The following ASIC2 variants were observed in gnomAD, a reference collection of about 807,000 sequenced individuals.
ASIC2 encodes the protein acid-sensing ion channel 2.
A neutral mutation model predicts 57.3 loss-of-function variants in ASIC2; 25 were observed. That is an observed-to-expected ratio of 0.44 (90% CI 0.32 to 0.61). The LOEUF (loss-of-function observed/expected upper bound fraction) is 0.61, where lower values mean the gene tolerates loss of function less well. ASIC2 is among the 20% of genes least tolerant of loss of function. The pLI, the probability that ASIC2 is intolerant of heterozygous loss-of-function variation, is 0.06. For missense variants in ASIC2, 641 were observed against 738.1 expected (o/e 0.87, Z 1.52); for synonymous variants, 319 against 307.5 (o/e 1.04, Z -0.39).
In ASIC2 at chr17:33,799,451, T is replaced by TTTC. The variant is rs1555562536; in HGVS notation, c.555+356524_555+356526dup. Reference sequence around the variant, plus strand: ...TCTTCTTTCTTTCTTTCTTTCTTTCTTTCTTTCTTTCTTTCTTTCTTTCTT... The same window carrying TTTC: ...TCTTCTTTCTTTCTTTCTTTCTTTCTTTCTTCTTTCTTTCTTTCTTTCTTTCTT... On this transcript the variant is annotated intron_variant, in intron 1 of 9. Coordinates refer to the ASIC2 transcript ENST00000359872. 4.2e-4 allele frequency among the ~76,000 whole-genome samples: 42 copies of TTTC among 100,666 alleles called. No individual in the cohort carries two copies. The East Asian group carries it at 5.0e-3, about 12-fold the overall frequency. 66.0% of individuals were successfully genotyped at this position (100,666 alleles called of 152,430 possible).
At chr17:33,579,342 T>G (rs955854689) in intron 1 of ASIC2, among the ~76,000 whole-genome samples, 1 of 149,794 alleles carries the variant, frequency 6.7e-6, no homozygotes, top group Non-Finnish European at 1.5e-5. Context: ...CAGGGCACAC[T>G]GGAACACGAT....
At chr17:33,686,288 CA>C (rs1361005061) in intron 1 of ASIC2, among the ~76,000 whole-genome samples, 1 of 152,090 alleles carries the variant, frequency 6.6e-6, no homozygotes, top group African/African-American at 2.4e-5. Flanking sequence ...TTGGGGGCTG[CA>C]AAAACCTAGG....
intron 1 of ASIC2, among the ~76,000 whole-genome samples, chr17:34,079,840 C>T (rs1006631028): frequency 3.3e-5 from 5 of 152,176 alleles, no homozygotes; most frequent in Non-Finnish European, 5.9e-5. Context: ...GGTGAAAGGG[C>T]ATCAACGATT....
At chr17:33,116,216 C>T (rs553065760) in intron 1 of ASIC2, among the ~76,000 whole-genome samples, 14 of 152,338 alleles carry the variant, frequency 9.2e-5, no homozygotes, top group Admixed American at 2.6e-4. Context: ...GAGCCTCCCG[C>T]TCCTGCCTGG....
chr17:33,560,275 A>T (rs549118083), intron 1 of ASIC2, among the ~76,000 whole-genome samples: 1 of 152,360 alleles, frequency 6.6e-6, no homozygotes, highest in Admixed American at 6.5e-5. Context: ...GATAGCAAGC[A>T]TACCACTTGT....
chr17:33,831,568 T>G (rs1457726083), intron 1 of ASIC2, among the ~76,000 whole-genome samples: 1 of 148,160 alleles, frequency 6.7e-6, no homozygotes, highest in Non-Finnish European at 1.5e-5. Context: ...CTTAAAATCT[T>G]TCTCTGATCT....
At chr17:33,923,216 A>G (rs994195166) in intron 1 of ASIC2, among the ~76,000 whole-genome samples, 1 of 152,176 alleles carries the variant, frequency 6.6e-6, no homozygotes, top group African/African-American at 2.4e-5. Flanking sequence ...CTGTGCCAAA[A>G]GAGAAAATGA....
rs983883242 is a variant in ASIC2, at chr17:33,117,716, C to G, written c.709-5649G>C. The stretch of plus-strand genomic sequence containing the variant: ...CAATTCCAGTGTTCTCTTTTGCAAA[C>G]TGGGCAAGGTAATCATGCCATGTAG... On this transcript the variant is annotated intron_variant, in intron 1 of 9. Coordinates refer to ENST00000225823, the MANE Select transcript of ASIC2 (RefSeq NM_183377.2). 2.4e-4 allele frequency among the ~76,000 whole-genome samples: 37 copies of G among 152,206 alleles called. 1 individual carries two copies. Among genetic ancestry groups the G allele is most frequent in the Admixed American group, 2.4e-3 (37 of 15,286 alleles).
intron 1 of ASIC2, among the ~76,000 whole-genome samples, chr17:33,874,189 G>A (rs1914494099): frequency 6.6e-6 from 1 of 152,164 alleles, no homozygotes; most frequent in Admixed American, 6.5e-5. Flanking sequence ...CTCTGTCACA[G>A]CTGGCTGGGC....
chr17:33,422,253 T>G (rs1351465816), intron 1 of ASIC2, among the ~76,000 whole-genome samples: 1 of 152,208 alleles, frequency 6.6e-6, no homozygotes, highest in Non-Finnish European at 1.5e-5. Context: ...ACTTCTATCT[T>G]GGCTCCTGAG....
intron 1 of ASIC2, among the ~76,000 whole-genome samples, chr17:34,092,530 C>T (rs1285172843): frequency 1.3e-5 from 2 of 152,090 alleles, no homozygotes; most frequent in Admixed American, 1.3e-4. Flanking sequence ...TGTAGGCACC[C>T]TATGGGAGCC....
intron 1 of ASIC2, among the ~76,000 whole-genome samples, chr17:33,949,600 C>T (rs1838741685): frequency 6.6e-6 from 1 of 152,176 alleles, no homozygotes; most frequent in Non-Finnish European, 1.5e-5. Context: ...TAAAAATACA[C>T]ATTAGGTCCA....
chr17:33,113,206 C>G (rs2092266709), intron 1 of ASIC2, among the ~76,000 whole-genome samples: 1 of 152,156 alleles, frequency 6.6e-6, no homozygotes, highest in African/African-American at 2.4e-5. Flanking sequence ...AGTAGTGTGA[C>G]TTTAAGTGAA....
chr17:33,541,981 A>T lies in ASIC2; in HGVS notation c.556-429914T>A, dbSNP rs547160330. On this transcript the variant is annotated intron_variant, in intron 1 of 9. Transcript: ENST00000359872. ...TTGTTTCCTCATCAATTTCATGGGA[A>T]TAATGAAAGTTTCTATCTCATAAGG... Among the ~76,000 whole-genome samples the T allele has an allele frequency of 2.8e-4, 43 of 152,360 alleles. No individual in the cohort carries two copies. In the South Asian group the frequency reaches 8.7e-3, roughly 31 times the overall value.
At chr17:33,262,282 G>A (rs1909314386) in intron 1 of ASIC2, among the ~76,000 whole-genome samples, 1 of 151,702 alleles carries the variant, frequency 6.6e-6, no homozygotes, top group African/African-American at 2.4e-5. Flanking sequence ...ATTTTCCTAT[G>A]CACAGGAGGG....
At chr17:33,703,681 C>G (rs927971408) in intron 1 of ASIC2, among the ~76,000 whole-genome samples, 1 of 152,142 alleles carries the variant, frequency 6.6e-6, no homozygotes, top group African/African-American at 2.4e-5. Context: ...TATATAATCT[C>G]TTTGGTAGGT....
At chr17:33,717,954 G>A (rs1209079581) in intron 1 of ASIC2, among the ~76,000 whole-genome samples, 2 of 152,124 alleles carry the variant, frequency 1.3e-5, no homozygotes, top group African/African-American at 2.4e-5. Flanking sequence ...TTATCAAAAG[G>A]AGTGTTGAAG....
chr17:33,158,678 T>C (rs943574059), intron 1 of ASIC2, among the ~76,000 whole-genome samples: 13 of 152,236 alleles, frequency 8.5e-5, no homozygotes, highest in Admixed American at 5.9e-4. Context: ...AACCCGATAT[T>C]ACTACTTGTC....
intron 1 of ASIC2, among the ~76,000 whole-genome samples, chr17:33,938,389 G>GACAGTCCATTTAGCTGGTGAGGGCTCTC (rs1916113819): frequency 6.6e-6 from 1 of 152,122 alleles, no homozygotes; most frequent in Non-Finnish European, 1.5e-5. Context: ...AGACTCTGGT[G>GACAGTCCATTTAGCTGGTGAGGGCTCTC]ACAGTCCATT....
Sources: allele counts gnomAD v4.1 joint callset (sites outside exome capture counted in the v4.1 genomes callset), GRCh38; gene constraint gnomAD v4.1.1; transcripts MANE v1.5; gene names NCBI Gene and HGNC (gene_info 2026-07-23, HGNC 2026-07-21).